SCYL2: variants seen among roughly 807,000 people sequenced by gnomAD.
SCYL2 encodes the protein SCY1 like pseudokinase 2.
Under a neutral mutation model 100.4 loss-of-function variants are expected in SCYL2, and 36 were observed. The observed-to-expected ratio is 0.36, with a 90% confidence interval of 0.27 to 0.47. SCYL2 has a LOEUF of 0.47. Among genes scored for constraint, SCYL2 ranks in the 20% least tolerant of loss-of-function variants. The probability of loss-of-function intolerance (pLI) is 1.00; values close to 1 mark genes in which losing one functional copy is unlikely to be tolerated. For missense variants in SCYL2, 902 were observed against 1,083.9 expected, an observed-to-expected ratio of 0.83 and a Z score of 2.36; for synonymous variants, 330 against 359.2, an observed-to-expected ratio of 0.92 and a Z score of 0.92.
In SCYL2 at chr12:100,310,187, C is replaced by T. The variant is rs188653776; in HGVS notation, c.481-857C>T. ...CTGATTTTTGTGTTTTTAGTATTGACGGGGTTTCCCCATGTTGGCTAGGCT... is the reference window on the plus strand; with the variant it reads ...CTGATTTTTGTGTTTTTAGTATTGATGGGGTTTCCCCATGTTGGCTAGGCT... On this transcript the variant is annotated intron_variant, in intron 4 of 17. Transcript: ENST00000360820. Among the ~76,000 whole-genome samples, 31 of 152,182 alleles carry T rather than the reference C, an allele frequency of 2.0e-4. No homozygotes were observed. In the East Asian group the frequency reaches 3.7e-3, roughly 18 times the overall value.
chr12:100,310,083 C>T (rs2096340312), intron 4 of SCYL2, among the ~76,000 whole-genome samples: 1 of 152,094 alleles, frequency 6.6e-6, no homozygotes, highest in Non-Finnish European at 1.5e-5. Flanking sequence ...ACTACAACCA[C>T]CACTTCCCAG....
intron 12 of SCYL2, among the ~76,000 whole-genome samples, chr12:100,327,643 A>G (rs1159073019): frequency 5.3e-5 from 8 of 151,702 alleles, no homozygotes; most frequent in Non-Finnish European, 1.0e-4. Flanking sequence ...CCTCCTGAGT[A>G]GCTGGGATTA....
At chr12:100,268,128 G>A (rs987664064) in intron 1 of SCYL2, among the ~76,000 whole-genome samples, 1 of 152,206 alleles carries the variant, frequency 6.6e-6, no homozygotes, top group African/African-American at 2.4e-5. Flanking sequence ...GGAGGCTCCA[G>A]ACAAGCTGCT....
chr12:100,322,372 CA>C (rs34959294), intron 10 of SCYL2, among the ~76,000 whole-genome samples: 12,940 of 61,742 alleles, frequency 0.21, 180 homozygotes, highest in Non-Finnish European at 0.24. Flanking sequence ...GACTCCGTCT[CA>C]AAAAAAAAAA....
rs1162435928 is a variant in SCYL2, at chr12:100,267,224, C to T, written c.-597C>T. The T allele has an allele frequency of 2.5e-6, 2 of 812,392 alleles. No individual in the cohort carries two copies. Among genetic ancestry groups the T allele is most frequent in the East Asian group, 2.7e-5 (1 of 36,880 alleles). 50.3% of individuals were successfully genotyped at this position (812,392 alleles called of 1,614,324 possible). On this transcript the variant is annotated 5_prime_UTR_variant, in exon 1 of 18. Transcript: ENST00000360820. ...TCTTCGTCCCCGGTCCCTCCCCTCC[C>T]CACCCCTTTCCTTCTAGCTCCGACG...
chr12:100,340,912 A>T lies in SCYL2; in HGVS notation c.*1740A>T, dbSNP rs995545321. On this transcript the variant is annotated 3_prime_UTR_variant, in exon 18 of 18. Transcript: ENST00000360820. ...ATATGTCTTTTGGGAAAAAGCCTAC[A>T]TATGGAATAAAATAAGTATTGAAGA... is the stretch of plus-strand genomic sequence containing the variant. 1.3e-5 allele frequency: 2 copies of T among 152,150 alleles called. No homozygotes were observed. The highest frequency in any genetic ancestry group is 2.4e-5 in the African/African-American group (1 of 41,464). 9.4% of individuals were successfully genotyped at this position (152,150 alleles called of 1,614,324 possible).
chr12:100,312,418 T>C lies in SCYL2; in HGVS notation c.631-14T>C. ...AATTTGAAGTAACCCATGTAATTCC[T>C]TTTCTTACTACAGCCTAAATTTCCT... On this transcript the variant is annotated splice_polypyrimidine_tract_variant and intron_variant, in intron 5 of 17. Coordinates refer to ENST00000360820, the MANE Select transcript of SCYL2 (RefSeq NM_017988.6). 6.3e-7 allele frequency: 1 copy of C among 1,580,724 alleles called. No homozygotes were observed. The highest frequency in any genetic ancestry group is 8.7e-7 in the Non-Finnish European group (1 of 1,151,692).
chr12:100,337,817 A>G (rs1173905951), intron 17 of SCYL2, among the ~76,000 whole-genome samples: 1 of 152,232 alleles, frequency 6.6e-6, no homozygotes, highest in Non-Finnish European at 1.5e-5. Context: ...TATTATATTC[A>G]TGCTCTTAAC....
chr12:100,330,193 A>G (rs371033969), intron 13 of SCYL2, among the ~76,000 whole-genome samples: 1 of 152,214 alleles, frequency 6.6e-6, no homozygotes, highest in Non-Finnish European at 1.5e-5. Flanking sequence ...GCAGATATAT[A>G]TAATACAGTA....
intron 3 of SCYL2, among the ~76,000 whole-genome samples, chr12:100,294,973 T>G (rs2096317225): frequency 6.8e-6 from 1 of 146,806 alleles, no homozygotes; most frequent in South Asian, 2.2e-4. Flanking sequence ...GTCTCCTCAC[T>G]TCTCAGACGG....
intron 3 of SCYL2, among the ~76,000 whole-genome samples, chr12:100,293,129 T>G (rs940130170): frequency 6.6e-6 from 1 of 152,088 alleles, no homozygotes; most frequent in African/African-American, 2.4e-5. Context: ...TCTTTTTCTT[T>G]TTTAATTTTT....
chr12:100,277,281 T>C (rs1188070754), intron 1 of SCYL2, among the ~76,000 whole-genome samples: 2 of 152,240 alleles, frequency 1.3e-5, no homozygotes, highest in Non-Finnish European at 2.9e-5. Context: ...GGTTGTTTGA[T>C]AGTGCTGTTG....
intron 1 of SCYL2, among the ~76,000 whole-genome samples, chr12:100,274,411 A>G (rs543252442): frequency 5.3e-5 from 8 of 152,314 alleles, no homozygotes; most frequent in South Asian, 2.1e-4. Context: ...GAGTTTATCA[A>G]TTGAAATAAA....
chr12:100,317,125 C>A (rs116616447), intron 9 of SCYL2, among the ~76,000 whole-genome samples: 3,752 of 151,552 alleles, frequency 0.025, 150 homozygotes, highest in African/African-American at 0.085. Flanking sequence ...GAAAAAATTT[C>A]TTCCGAATAT....
At chr12:100,323,468 A>G in intron 10 of SCYL2, 57 bp from the exon 11 acceptor site, 1 of 1,029,680 alleles carries the variant, frequency 9.7e-7, no homozygotes, top group South Asian at 1.4e-5. Context: ...ACTTTGTAAT[A>G]TCAGAGAGAA....
At chr12:100,313,968 C>T (rs2096345429) in intron 7 of SCYL2, among the ~76,000 whole-genome samples, 3 of 151,668 alleles carry the variant, frequency 2.0e-5, no homozygotes, top group Admixed American at 1.3e-4. Context: ...GCAACCTCCA[C>T]CTCCCAGGTT....
rs76358760 is a variant in SCYL2 at position 100,334,926 on chromosome 12, G to C, written c.1862+660G>C. ...AAAACATCTAAAAATCAGTAAAATT[G>C]ATATAAATCATGAACAAGGTCCCCA... On this transcript the variant is annotated intron_variant, in intron 14 of 17. Coordinates refer to ENST00000360820, the MANE Select transcript of SCYL2 (RefSeq NM_017988.6). 5.7e-3 allele frequency among the ~76,000 whole-genome samples: 871 copies of C among 152,010 alleles called. 9 individuals carry two copies. The highest frequency in any genetic ancestry group is 0.02 in the African/African-American group (829 of 41,486).
At chr12:100,325,285 A>G (rs1308373318) in intron 11 of SCYL2, among the ~76,000 whole-genome samples, 5 of 152,200 alleles carry the variant, frequency 3.3e-5, no homozygotes, top group Non-Finnish European at 7.3e-5. Context: ...GTATGTAGAA[A>G]TGGGAAACAT....
At chr12:100,285,947 C>T (rs1339553019) in intron 2 of SCYL2, among the ~76,000 whole-genome samples, 1 of 151,900 alleles carries the variant, frequency 6.6e-6, no homozygotes, top group Non-Finnish European at 1.5e-5. Context: ...TTTGGCCAAG[C>T]TATATATATA....
Sources: gnomAD v4.1 joint callset for allele counts (sites outside exome capture counted in the v4.1 genomes callset) on GRCh38, gnomAD v4.1.1 for gene constraint, MANE v1.5 for transcripts, NCBI Gene and HGNC (gene_info 2026-07-23, HGNC 2026-07-21) for gene names.